TMEM41B: variants seen among roughly 807,000 people sequenced by gnomAD.
The protein encoded by TMEM41B is protein stasimon.
A neutral mutation model predicts 31.9 loss-of-function variants in TMEM41B; 18 were observed. The ratio of observed to expected loss-of-function variants is 0.56; its 90% CI spans 0.39 to 0.84. TMEM41B has a LOEUF of 0.84. Among genes scored for constraint, TMEM41B ranks in the 40% least tolerant of loss-of-function variants. The pLI, the probability that TMEM41B is intolerant of heterozygous loss-of-function variation, is 0.00. For synonymous variants in TMEM41B, 144 were observed against 124.3 expected, an observed-to-expected ratio of 1.16 and a Z score of -1.05; for missense variants, 322 against 348.0, an observed-to-expected ratio of 0.93 and a Z score of 0.59.
At chr11:9,304,335 TAAG>T (rs1853329565) in intron 1 of TMEM41B, among the ~76,000 whole-genome samples, 1 of 152,178 alleles carries the variant, frequency 6.6e-6, no homozygotes, top group Non-Finnish European at 1.5e-5. Flanking sequence ...GGCCTCCTAA[TAAG>T]TTATATTCAC....
At chr11:9,311,209 A>T in intron 1 of TMEM41B, 1 of 1,444,804 alleles carries the variant, frequency 6.9e-7, no homozygotes, top group Non-Finnish European at 9.3e-7. Flanking sequence ...CCCCCAATAC[A>T]ACATGGCATC....
intron 1 of TMEM41B, among the ~76,000 whole-genome samples, chr11:9,310,752 T>C (rs1254585335): frequency 6.8e-6 from 1 of 146,504 alleles, no homozygotes; most frequent in Non-Finnish European, 1.5e-5. Context: ...CATACTGGGC[T>C]AAGGAGGAGA....
chr11:9,309,418 T>TA (rs1459302452), intron 1 of TMEM41B, among the ~76,000 whole-genome samples: 1 of 151,600 alleles, frequency 6.6e-6, no homozygotes, highest in Non-Finnish European at 1.5e-5. Context: ...TTCTGATACA[T>TA]AATACCTGGG....
rs1852764603 is a variant in TMEM41B at position 9,283,368 on chromosome 11, C to T, written c.*56G>A. The stretch of plus-strand genomic sequence containing the variant: ...GGTGATTTTAAAACATAAATGGATG[C>T]ACCTGTTAATCCTGAGATGGTGATG... On this transcript the variant is annotated 3_prime_UTR_variant, in exon 7 of 7. Transcript: ENST00000528080. 5.9e-6 allele frequency: 8 copies of T among 1,349,996 alleles called. No individual in the cohort carries two copies. The highest frequency in any genetic ancestry group is 1.4e-5 in the South Asian group (1 of 73,576). 83.6% of individuals were successfully genotyped at this position (1,349,996 alleles called of 1,614,324 possible).
intron 1 of TMEM41B, among the ~76,000 whole-genome samples, chr11:9,308,681 C>G (rs1853459469): frequency 6.6e-6 from 1 of 152,176 alleles, no homozygotes; most frequent in South Asian, 2.1e-4. Context: ...ATTGGGAAAA[C>G]TGATTTAGCT....
At chr11:9,307,222 G>A (rs1044593062) in intron 1 of TMEM41B, among the ~76,000 whole-genome samples, 4 of 152,008 alleles carry the variant, frequency 2.6e-5, no homozygotes, top group South Asian at 2.1e-4. Context: ...AATATTCAGT[G>A]TTTTCTAGAT....
intron 1 of TMEM41B, among the ~76,000 whole-genome samples, chr11:9,309,568 GTATTTGT>G (rs1390434176): frequency 2.7e-5 from 4 of 147,338 alleles, no homozygotes; most frequent in Non-Finnish European, 4.5e-5. Flanking sequence ...CACCTGAGGA[GTATTTGT>G]TAAACAAATA....
intron 1 of TMEM41B, among the ~76,000 whole-genome samples, chr11:9,305,612 T>C (rs1441287160): frequency 6.6e-6 from 1 of 151,992 alleles, no homozygotes; most frequent in Non-Finnish European, 1.5e-5. Context: ...TTATAGATAT[T>C]AAACTGTTTT....
At chr11:9,296,452 C>G (rs1029962549) in intron 2 of TMEM41B, among the ~76,000 whole-genome samples, 1 of 151,334 alleles carries the variant, frequency 6.6e-6, no homozygotes, top group Non-Finnish European at 1.5e-5. Context: ...GTGTTGAAAC[C>G]CCGTCTCTAC....
intron 6 of TMEM41B, among the ~76,000 whole-genome samples, 194 bp from the exon 7 acceptor site, chr11:9,283,787 A>ATT (rs373365005): frequency 1.2e-4 from 17 of 146,234 alleles, no homozygotes; most frequent in Admixed American, 2.1e-4. Context: ...AAGGATAATG[A>ATT]TTTTTTTTTT....
chr11:9,285,913 G>C (rs1468676219), intron 6 of TMEM41B, among the ~76,000 whole-genome samples: 2 of 151,862 alleles, frequency 1.3e-5, no homozygotes, highest in Non-Finnish European at 2.9e-5. Context: ...ACAGGAATTC[G>C]AGACCAGCCT....
rs1419061609 is a variant in TMEM41B, at chr11:9,283,205, A to G, written c.*219T>C. The stretch of plus-strand genomic sequence containing the variant: ...AATTTATAAGATGTCTAAGATGTCT[A>G]CCTTAACTATTGATAGCACTTTTCA... On this transcript the variant is annotated 3_prime_UTR_variant, in exon 7 of 7. Coordinates refer to ENST00000528080, the MANE Select transcript of TMEM41B (RefSeq NM_015012.4). The G allele has an allele frequency of 4.9e-6, 2 of 410,642 alleles. No homozygotes were observed. The highest frequency in any genetic ancestry group is 4.4e-5 in the East Asian group (1 of 22,638). 25.4% of individuals were successfully genotyped at this position (410,642 alleles called of 1,614,324 possible). A position where few individuals can be genotyped will look rare whatever the true frequency, so the allele number is the denominator to read the frequency against.
At chr11:9,284,244 C>A (rs1590369204) in intron 6 of TMEM41B, among the ~76,000 whole-genome samples, 1 of 151,834 alleles carries the variant, frequency 6.6e-6, no homozygotes, top group Non-Finnish European at 1.5e-5. Context: ...TCTCGAGGCT[C>A]AGGTGATTGT....
chr11:9,312,776 C>T (rs1204083833), intron 1 of TMEM41B, among the ~76,000 whole-genome samples: 8 of 151,622 alleles, frequency 5.3e-5, no homozygotes, highest in Non-Finnish European at 1.0e-4. Context: ...TGGTGGTGGG[C>T]GCCTGTAGTC....
At chr11:9,293,176 G>A (rs776998472) in intron 3 of TMEM41B, among the ~76,000 whole-genome samples, 1 of 151,222 alleles carries the variant, frequency 6.6e-6, no homozygotes, top group Non-Finnish European at 1.5e-5. Context: ...TAAATGCTTC[G>A]CTGTAGCCTC....
chr11:9,294,256 A>G (rs2133621993), intron 3 of TMEM41B, among the ~76,000 whole-genome samples: 1 of 146,512 alleles, frequency 6.8e-6, no homozygotes, highest in South Asian at 2.2e-4. Context: ...GCACTTTGGG[A>G]GGCTGAGATG....
At chr11:9,288,190 T>A in intron 4 of TMEM41B, 1 of 375,132 alleles carries the variant, frequency 2.7e-6, no homozygotes, top group South Asian at 4.0e-5. Context: ...CAACACTCCT[T>A]GGACTGTCGC....
chr11:9,306,872 C>A (rs1409500495), intron 1 of TMEM41B, among the ~76,000 whole-genome samples: 1 of 152,140 alleles, frequency 6.6e-6, no homozygotes, highest in Non-Finnish European at 1.5e-5. Context: ...ATGCTGCCTC[C>A]TACTTTAATG....
chr11:9,293,056 A>C (rs976341954), intron 3 of TMEM41B, among the ~76,000 whole-genome samples: 9 of 152,176 alleles, frequency 5.9e-5, no homozygotes, highest in Non-Finnish European at 1.5e-5. Flanking sequence ...ACCTACGCTA[A>C]GAAAAGTTTC....
Sources: allele counts gnomAD v4.1 joint callset (sites outside exome capture counted in the v4.1 genomes callset), GRCh38; gene constraint gnomAD v4.1.1; transcripts MANE v1.5; gene names NCBI Gene and HGNC (gene_info 2026-07-23, HGNC 2026-07-21).